The following DCC variants were observed in gnomAD, a reference collection of about 807,000 sequenced individuals.
DCC encodes the protein DCC netrin 1 receptor, also known as netrin receptor DCC.
In DCC, 58 loss-of-function variants were observed where a neutral mutation model predicts 172.5. That is an observed-to-expected ratio of 0.34 (90% CI 0.27 to 0.42). The LOEUF (loss-of-function observed/expected upper bound fraction) is 0.42. DCC is among the 10% of genes least tolerant of loss of function. The pLI is 1.00. For synonymous variants in DCC, 709 were observed against 644.5 expected (o/e 1.10, Z -1.52); for missense variants, 1,740 against 1,791.0 (o/e 0.97, Z 0.51).
chr18:53,075,325 C>A (rs569434360), intron 7 of DCC, among the ~76,000 whole-genome samples: 1 of 152,232 alleles, frequency 6.6e-6, no homozygotes, highest in Middle Eastern at 3.4e-3. Flanking sequence ...TTCACCTTGT[C>A]CTTCATTCAG....
intron 15 of DCC, among the ~76,000 whole-genome samples, chr18:53,349,453 C>G (rs906641128): frequency 3.3e-5 from 5 of 152,210 alleles, no homozygotes; most frequent in African/African-American, 1.2e-4. Context: ...CTGCCTGTTA[C>G]CCAGTTCCGA....
intron 9 of DCC, among the ~76,000 whole-genome samples, chr18:53,192,818 C>T (rs1348873208): frequency 2.6e-5 from 4 of 152,166 alleles, no homozygotes; most frequent in Admixed American, 2.6e-4. Flanking sequence ...TGAATTCACT[C>T]ACCCACACGT....
intron 1 of DCC, among the ~76,000 whole-genome samples, chr18:52,553,227 T>G (rs1362483817): frequency 6.7e-6 from 1 of 150,370 alleles, no homozygotes; most frequent in Non-Finnish European, 1.5e-5. Flanking sequence ...TATATACATA[T>G]ACACACACAC....
chr18:53,300,995 T>TCTTTCTTTCTTTCTTTCTTTCTTTC (rs1355549524), intron 12 of DCC, among the ~76,000 whole-genome samples: 7 of 109,650 alleles, frequency 6.4e-5, no homozygotes, highest in African/African-American at 1.0e-4. Flanking sequence ...CTTTCTTTTT[T>TCTTTCTTTCTTTCTTTCTTTCTTTC]TTTCTTTTCT....
chr18:53,320,607 G>A (rs1296370419), intron 13 of DCC, among the ~76,000 whole-genome samples: 5 of 152,140 alleles, frequency 3.3e-5, no homozygotes, highest in South Asian at 2.1e-4. Flanking sequence ...AAGTGAGCAC[G>A]AGCCTACTTA....
chr18:53,168,838 C>T (rs922930864), intron 8 of DCC, among the ~76,000 whole-genome samples: 2 of 151,884 alleles, frequency 1.3e-5, no homozygotes, highest in Admixed American at 6.6e-5. Context: ...CTTTGGGCCA[C>T]ATCGTGAAGG....
chr18:52,759,504 A>G (rs771215913), intron 2 of DCC, among the ~76,000 whole-genome samples: 5 of 152,196 alleles, frequency 3.3e-5, no homozygotes, highest in Admixed American at 6.5e-5. Context: ...TTTAATCAGT[A>G]TCTTAAGAGC....
intron 15 of DCC, among the ~76,000 whole-genome samples, chr18:53,382,873 A>G (rs62098055): frequency 0.43 from 64,615 of 151,936 alleles, 15,493 homozygotes; most frequent in Non-Finnish European, 0.55. Flanking sequence ...TATCTTTAAC[A>G]TTAATACTTA....
chr18:52,866,824 G>T (rs938566307), intron 2 of DCC, among the ~76,000 whole-genome samples: 3 of 152,176 alleles, frequency 2.0e-5, no homozygotes, highest in Non-Finnish European at 4.4e-5. Flanking sequence ...CATGTCATCT[G>T]CAAACAGACA....
chr18:53,351,408 TATATATATAC>T (rs1251934866), intron 15 of DCC, among the ~76,000 whole-genome samples: 1 of 7,140 alleles, frequency 1.4e-4, no homozygotes, highest in African/African-American at 4.1e-4. Context: ...AGTGTATATA[TATATATATAC>T]ACACTGTGTA....
At chr18:52,482,841 C>A (rs1488437986) in intron 1 of DCC, among the ~76,000 whole-genome samples, 1 of 152,122 alleles carries the variant, frequency 6.6e-6, no homozygotes, top group Non-Finnish European at 1.5e-5. Context: ...TCTCTTTACC[C>A]CTTTCGTATG....
chr18:52,778,959 T>C (rs76980476), intron 2 of DCC, among the ~76,000 whole-genome samples: 8,046 of 152,260 alleles, frequency 0.053, 288 homozygotes, highest in South Asian at 0.16. Flanking sequence ...CTTAAAAACA[T>C]ATATGACATA....
At chr18:53,033,235 C>T (rs952225597) in intron 5 of DCC, among the ~76,000 whole-genome samples, 6 of 152,102 alleles carry the variant, frequency 3.9e-5, no homozygotes, top group Non-Finnish European at 5.9e-5. Flanking sequence ...ACTCAGTCTG[C>T]AACTAGACTC....
intron 1 of DCC, among the ~76,000 whole-genome samples, chr18:52,490,606 A>G (rs2030450627): frequency 6.6e-6 from 1 of 152,098 alleles, no homozygotes; most frequent in Non-Finnish European, 1.5e-5. Flanking sequence ...TTTGTATGTC[A>G]CCAAAGACCT....
chr18:53,325,508 C>T (rs1213332805), intron 14 of DCC, among the ~76,000 whole-genome samples: 1 of 152,080 alleles, frequency 6.6e-6, no homozygotes, highest in Non-Finnish European at 1.5e-5. Flanking sequence ...TTAAGTAGAA[C>T]CAAAATATAA....
chr18:52,374,638 G>T (rs1174574602), intron 1 of DCC, among the ~76,000 whole-genome samples: 1 of 152,098 alleles, frequency 6.6e-6, no homozygotes, highest in Non-Finnish European at 1.5e-5. Context: ...CCAAGGAAAT[G>T]AGATAATTTC....
chr18:53,384,891 A>G (rs1908036335), intron 15 of DCC, among the ~76,000 whole-genome samples: 1 of 151,298 alleles, frequency 6.6e-6, no homozygotes, highest in Non-Finnish European at 1.5e-5. Context: ...TGTGTCGCGC[A>G]GGATGGAGTG....
chr18:52,991,220 C>A lies in DCC; in HGVS notation c.985+65850C>A, dbSNP rs992837197. Among the ~76,000 whole-genome samples, 7 of 152,162 alleles carry A rather than the reference C, an allele frequency of 4.6e-5. No homozygotes were observed. The East Asian group carries it at 1.2e-3, about 25-fold the overall frequency. The stretch of plus-strand genomic sequence containing the variant: ...CATATAGCAGCACAGTTTAAACTCA[C>A]AATCATGCAATTGGTCTACCTAGTC... On this transcript the variant is annotated intron_variant, in intron 5 of 28. Transcript: ENST00000442544.
chr18:52,468,874 T>C (rs1259672018), intron 1 of DCC, among the ~76,000 whole-genome samples: 1 of 152,122 alleles, frequency 6.6e-6, no homozygotes, highest in East Asian at 1.9e-4. Flanking sequence ...GTCTAACTGC[T>C]CCTCTCCTTA....
Sources: allele counts gnomAD v4.1 joint callset (sites outside exome capture counted in the v4.1 genomes callset), GRCh38; gene constraint gnomAD v4.1.1; transcripts MANE v1.5; gene names NCBI Gene and HGNC (gene_info 2026-07-23, HGNC 2026-07-21).